Variants in ARMC3 observed in about 807,000 individuals in gnomAD.
The protein encoded by ARMC3 is armadillo repeat-containing protein 3.
A neutral mutation model predicts 90.3 loss-of-function variants in ARMC3; 74 were observed. The observed-to-expected ratio is 0.82, with a 90% confidence interval of 0.68 to 0.99. ARMC3 has a LOEUF of 0.99. Among genes scored for constraint, ARMC3 ranks in the 50% least tolerant of loss-of-function variants. The probability of loss-of-function intolerance (pLI) is 0.00; values close to 1 mark genes in which losing one functional copy is unlikely to be tolerated. For synonymous variants in ARMC3, 334 were observed against 361.8 expected (o/e 0.92, Z 0.87); for missense variants, 958 against 1,042.8 (o/e 0.92, Z 1.12).
chr10:22,943,617 A>G (rs12240586), intron 2 of ARMC3, among the ~76,000 whole-genome samples: 8,740 of 152,020 alleles, frequency 0.057, 825 homozygotes, highest in African/African-American at 0.2. Context: ...ATAAATCATC[A>G]TCACTTCAGG....
chr10:23,021,284 T>C (rs756682591), intron 16 of ARMC3, among the ~76,000 whole-genome samples: 11 of 152,184 alleles, frequency 7.2e-5, no homozygotes, highest in Non-Finnish European at 1.0e-4. Flanking sequence ...TAGGAGTACA[T>C]GTGTCTTTTT....
intron 2 of ARMC3, 38 bp from the exon 3 acceptor site, chr10:22,946,106 T>G (rs1379302950): frequency 2.9e-6 from 4 of 1,378,350 alleles, no homozygotes; most frequent in Non-Finnish European, 4.1e-6. Context: ...TTTTTAAAGC[T>G]CATATGTGAA....
chr10:22,968,352 G>A lies in ARMC3; in HGVS notation c.779G>A (p.Cys260Tyr). The change falls in exon 8 of 19, where the codon TGC becomes TAC. Residue 260 changes from cysteine (C) to tyrosine (Y), a missense_variant. Coordinates refer to ENST00000298032, the MANE Select transcript of ARMC3 (RefSeq NM_173081.5). ...HIEALAVIAN[C>Y]LEDMDTMVQI... ...GAAGCACTTGCAGTGATAGCCAATTGCCTTGAAGACATGGATACTATGGTG... is the reference window on the plus strand; with the variant it reads ...GAAGCACTTGCAGTGATAGCCAATTACCTTGAAGACATGGATACTATGGTG... 5.0e-6 allele frequency: 8 copies of A among 1,614,046 alleles called. No homozygotes were observed. The highest frequency in any genetic ancestry group is 6.8e-6 in the Non-Finnish European group (8 of 1,179,968).
intron 17 of ARMC3, among the ~76,000 whole-genome samples, chr10:23,031,397 A>G (rs1282590679): frequency 1.3e-5 from 2 of 152,166 alleles, no homozygotes; most frequent in Non-Finnish European, 2.9e-5. Flanking sequence ...GGGGTTAGGA[A>G]TCACCAGAAG....
rs569148074 is a variant in ARMC3, at chr10:22,990,165, T to C, written c.1176-7983T>C. 3.0e-3 allele frequency among the ~76,000 whole-genome samples: 456 copies of C among 151,078 alleles called. 1 individual carries two copies. Among genetic ancestry groups the C allele is most frequent in the African/African-American group, 0.011 (432 of 40,770 alleles). On this transcript the variant is annotated intron_variant, in intron 10 of 18. Transcript: ENST00000298032. ...GAGGAAATCTTTATATTGTGTGATT[T>C]CCCCCCCCCACTTCCAATTTGAAGC...
At chr10:23,001,151 C>A (rs1294936469) in intron 11 of ARMC3, among the ~76,000 whole-genome samples, 3 of 152,122 alleles carry the variant, frequency 2.0e-5, no homozygotes, top group Non-Finnish European at 2.9e-5. Context: ...ATGGGGGGGT[C>A]CTTGCTGGCA....
intron 17 of ARMC3, 48 bp downstream of exon 17, chr10:23,030,844 A>G: frequency 6.3e-7 from 1 of 1,583,668 alleles, no homozygotes; most frequent in Non-Finnish European, 8.6e-7. Context: ...AAAAAATTTT[A>G]GTGTCATATA....
In ARMC3 at chr10:22,945,340, AT is replaced by A. The variant is rs374440995; in HGVS notation, c.49-802del. Reference sequence around the variant, plus strand: ...TATCCCAAGCAGAACTCCATCCTTCATTAGTCTCTGGAAATGGAAGAAAAAT... The same window carrying A: ...TATCCCAAGCAGAACTCCATCCTTCATAGTCTCTGGAAATGGAAGAAAAAT... On this transcript the variant is annotated intron_variant, in intron 2 of 18. Transcript: ENST00000298032. Among the ~76,000 whole-genome samples the A allele has an allele frequency of 9.2e-5, 14 of 152,320 alleles. No individual in the cohort carries two copies. The South Asian group carries it at 1.0e-3, about 11-fold the overall frequency.
intron 10 of ARMC3, among the ~76,000 whole-genome samples, chr10:22,996,041 G>A (rs1472058995): frequency 1.3e-5 from 2 of 151,982 alleles, no homozygotes; most frequent in African/African-American, 4.8e-5. Context: ...ACAAATACAA[G>A]GTATTTGGTT....
chr10:23,024,688 A>G (rs1385348195), intron 16 of ARMC3, among the ~76,000 whole-genome samples: 1 of 152,154 alleles, frequency 6.6e-6, no homozygotes, highest in East Asian at 1.9e-4. Flanking sequence ...ACAAAAAGCT[A>G]TGCTCAAAAA....
chr10:23,002,481 A>G (rs571563121), intron 12 of ARMC3, among the ~76,000 whole-genome samples: 62 of 152,246 alleles, frequency 4.1e-4, no homozygotes, highest in Non-Finnish European at 2.8e-4. Context: ...AGTTCTGTTG[A>G]CCAAAAGCAG....
intron 16 of ARMC3, among the ~76,000 whole-genome samples, chr10:23,023,306 C>T (rs754725047): frequency 1.3e-5 from 2 of 152,176 alleles, no homozygotes; most frequent in South Asian, 2.1e-4. Flanking sequence ...TGAAAATTAA[C>T]GTGTCATTGG....
chr10:22,958,637 G>A (rs1235732764), intron 4 of ARMC3, among the ~76,000 whole-genome samples: 2 of 152,092 alleles, frequency 1.3e-5, no homozygotes, highest in Admixed American at 6.6e-5. Context: ...CTTGCTTTGT[G>A]GTTTTGAGCC....
chr10:22,962,211 T>A, intron 7 of ARMC3, 133 bp downstream of exon 7: 1 of 619,636 alleles, frequency 1.6e-6, no homozygotes, highest in Non-Finnish European at 2.4e-6. Context: ...TAAAGTTTAT[T>A]GGCCTGCTTA....
chr10:22,932,657 G>T (rs1284305229), intron 2 of ARMC3, among the ~76,000 whole-genome samples: 3 of 152,202 alleles, frequency 2.0e-5, no homozygotes, highest in Non-Finnish European at 2.9e-5. Context: ...TGGACAATTT[G>T]CAGTTTAGAA....
In ARMC3 at chr10:22,981,711, A is replaced by T. The variant is rs778176047; in HGVS notation, c.1175+11A>T. On this transcript the variant is annotated intron_variant, in intron 10 of 18. Coordinates refer to ENST00000298032, the MANE Select transcript of ARMC3 (RefSeq NM_173081.5). ...CCCTGCTAATGCAAAGTAAGTTCAG[A>T]GATCCTCACCCAGCACTGACTTGTG... is the stretch of plus-strand genomic sequence containing the variant. 8.1e-6 allele frequency: 13 copies of T among 1,603,758 alleles called. No individual in the cohort carries two copies. The highest frequency in any genetic ancestry group is 1.0e-5 in the Non-Finnish European group (12 of 1,171,620).
chr10:22,941,855 A>G (rs1834340509), intron 2 of ARMC3, among the ~76,000 whole-genome samples: 1 of 152,262 alleles, frequency 6.6e-6, no homozygotes, highest in East Asian at 1.9e-4. Context: ...GGAAAAATCA[A>G]GTTTACAAAA....
intron 8 of ARMC3, among the ~76,000 whole-genome samples, chr10:22,973,900 A>C (rs1170466280): frequency 6.6e-6 from 1 of 151,410 alleles, no homozygotes; most frequent in African/African-American, 2.4e-5. Flanking sequence ...CTGGGTCTAC[A>C]GGTGCCTGCC....
At chr10:22,930,063 A>G (rs552781379) in intron 1 of ARMC3, among the ~76,000 whole-genome samples, 104 of 152,364 alleles carry the variant, frequency 6.8e-4, no homozygotes, top group Non-Finnish European at 1.4e-3. Flanking sequence ...AATATTATTC[A>G]TAAGCAATTA....
Sources: allele counts gnomAD v4.1 joint callset (sites outside exome capture counted in the v4.1 genomes callset), GRCh38; gene constraint gnomAD v4.1.1; transcripts MANE v1.5; gene names NCBI Gene and HGNC (gene_info 2026-07-23, HGNC 2026-07-21).